The following AFF1 variants were observed in gnomAD, a reference collection of about 807,000 sequenced individuals.
AFF1 encodes the protein ALF transcription elongation factor 1.
Under a neutral mutation model 121.7 loss-of-function variants are expected in AFF1, and 48 were observed. That is an observed-to-expected ratio of 0.39 (90% CI 0.31 to 0.50). The LOEUF (loss-of-function observed/expected upper bound fraction) is 0.50, where lower values mean the gene tolerates loss of function less well. Ranked by LOEUF, AFF1 falls within the 20% of genes least tolerant of loss-of-function variation. The pLI is 0.76. For synonymous variants in AFF1, 613 were observed against 563.0 expected (o/e 1.09, Z -1.26); for missense variants, 1,523 against 1,511.7 (o/e 1.01, Z -0.12).
At chr4:86,987,409 C>T (rs891041168) in intron 2 of AFF1, among the ~76,000 whole-genome samples, 7 of 152,136 alleles carry the variant, frequency 4.6e-5, no homozygotes, top group Non-Finnish European at 1.0e-4. Flanking sequence ...TTTGTCCCCT[C>T]CTGAGCAGGA....
At chr4:86,945,319 CTTTTTTTTTTTT>C (rs72025655) in intron 1 of AFF1, among the ~76,000 whole-genome samples, 46,260 of 112,444 alleles carry the variant, frequency 0.41, 9,246 homozygotes, top group South Asian at 0.59. Context: ...TTTTCTTTTC[CTTTTTTTTTTTT>C]TTTTTTTTTT....
chr4:87,045,754 C>T (rs538913625), intron 2 of AFF1, among the ~76,000 whole-genome samples: 8 of 152,240 alleles, frequency 5.3e-5, no homozygotes, highest in East Asian at 3.9e-4. Flanking sequence ...TCCAGGAAAA[C>T]GGCCTTTCTA....
In AFF1 at chr4:87,132,344, A is replaced by T. The variant is rs774616714; in HGVS notation, c.3247A>T (p.Thr1083Ser). ...KKDIAIKYSRTLNKHFESSSK... is the reference protein window; with the variant it reads ...KKDIAIKYSRSLNKHFESSSK... ...AGACATAGCAATAAAGTATTCTCGT[A>T]CTCTTAATAAACACTTCGAGAGTTC... The change falls in exon 19 of 21, where the codon ACT becomes TCT. Residue 1083 changes from threonine (T) to serine (S), a missense_variant. Transcript: ENST00000395146. 6.2e-7 allele frequency: 1 copy of T among 1,613,242 alleles called. No individual in the cohort carries two copies. Among genetic ancestry groups the T allele is most frequent in the South Asian group, 1.1e-5 (1 of 90,944 alleles).
chr4:86,991,313 C>T (rs572037186), intron 2 of AFF1, among the ~76,000 whole-genome samples: 1 of 151,996 alleles, frequency 6.6e-6, no homozygotes, highest in South Asian at 2.1e-4. Flanking sequence ...GGCTTGGTGG[C>T]AGGCACCTGT....
chr4:86,982,380 A>G (rs7684203), intron 2 of AFF1, among the ~76,000 whole-genome samples: 5,464 of 148,128 alleles, frequency 0.037, 402 homozygotes, highest in African/African-American at 0.13. Context: ...TCAAAGAAAA[A>G]AAATTGGCTT....
At chr4:86,972,309 G>A (rs1465792913) in intron 2 of AFF1, among the ~76,000 whole-genome samples, 1 of 151,904 alleles carries the variant, frequency 6.6e-6, no homozygotes. Context: ...AAAGAAAGAG[G>A]AAGGCAGTGG....
chr4:87,130,948 T>C, intron 16 of AFF1, 135 bp from the exon 17 acceptor site: 2 of 1,193,918 alleles, frequency 1.7e-6, no homozygotes, highest in Non-Finnish European at 1.2e-6. Flanking sequence ...TCATTTTTAG[T>C]TCATTCATCC....
chr4:86,940,539 CA>C (rs1560489076), intron 1 of AFF1, among the ~76,000 whole-genome samples: 1 of 152,110 alleles, frequency 6.6e-6, no homozygotes, highest in East Asian at 1.9e-4. Flanking sequence ...GCTGGGATCA[CA>C]GGCATGTGCC....
chr4:87,060,323 T>C (rs1181526907), intron 4 of AFF1, among the ~76,000 whole-genome samples: 3 of 152,226 alleles, frequency 2.0e-5, no homozygotes, highest in African/African-American at 7.2e-5. Context: ...TGCTTTCTTT[T>C]GTATTAAATA....
rs574104458 is a variant in AFF1 at position 87,125,490 on chromosome 4, C to T, written c.2573+347C>T. On this transcript the variant is annotated intron_variant, in intron 13 of 20. Coordinates refer to ENST00000395146, the MANE Select transcript of AFF1 (RefSeq NM_001166693.3). ...ACAGAGAAAATGACTTGTCCAAAGT[C>T]AGAGAATTCTTACTGTGTGTTGGAG... Among the ~76,000 whole-genome samples the T allele has an allele frequency of 2.0e-5, 3 of 152,148 alleles. No homozygotes were observed. The South Asian group carries it at 6.2e-4, about 32-fold the overall frequency.
chr4:87,053,250 T>C (rs369452560), intron 4 of AFF1, among the ~76,000 whole-genome samples: 1 of 152,230 alleles, frequency 6.6e-6, no homozygotes, highest in African/African-American at 2.4e-5. Flanking sequence ...CTCTTTTCCT[T>C]GTGGCCTCTT....
intron 10 of AFF1, among the ~76,000 whole-genome samples, chr4:87,107,307 C>T (rs946363567): frequency 1.4e-4 from 21 of 152,162 alleles, no homozygotes; most frequent in African/African-American, 4.8e-4. Context: ...TTAATTAATA[C>T]CATCTAGGGT....
At chr4:86,951,608 C>CTTTTTTT (rs1344583304) in intron 2 of AFF1, among the ~76,000 whole-genome samples, 2 of 111,058 alleles carry the variant, frequency 1.8e-5, no homozygotes, top group African/African-American at 6.6e-5. Flanking sequence ...TTTTCTTTTT[C>CTTTTTTT]TTTTTTCTTT....
chr4:86,994,490 AAC>A (rs1724964830), intron 2 of AFF1, among the ~76,000 whole-genome samples: 1 of 152,232 alleles, frequency 6.6e-6, no homozygotes, highest in African/African-American at 2.4e-5. Context: ...CTCACCTGCA[AAC>A]ACATGTGTAA....
intron 1 of AFF1, 24 bp downstream of exon 1, chr4:86,935,264 A>G (rs1421822064): frequency 6.6e-6 from 1 of 152,306 alleles, no homozygotes. Context: ...TGCGCCACCC[A>G]GGGCTGGGGG....
chr4:87,077,316 A>T (rs1722764975), intron 4 of AFF1, among the ~76,000 whole-genome samples: 1 of 152,048 alleles, frequency 6.6e-6, no homozygotes. Context: ...ACAAAAATTC[A>T]GTGTGGCGTG....
chr4:87,072,981 A>G (rs999182439), intron 4 of AFF1, among the ~76,000 whole-genome samples: 7 of 152,090 alleles, frequency 4.6e-5, no homozygotes, highest in African/African-American at 1.7e-4. Context: ...TAGTTTGTGT[A>G]TAGTTTTAGA....
chr4:86,958,557 G>A (rs976178488), intron 2 of AFF1, among the ~76,000 whole-genome samples: 3 of 151,734 alleles, frequency 2.0e-5, no homozygotes, highest in African/African-American at 7.3e-5. Flanking sequence ...CGTCTCTACT[G>A]AAAATAAAAA....
chr4:87,034,240 G>C (rs984233082), intron 2 of AFF1, among the ~76,000 whole-genome samples: 14 of 152,200 alleles, frequency 9.2e-5, no homozygotes, highest in Admixed American at 1.3e-4. Flanking sequence ...TGAAAAGGCA[G>C]CCAGTCTGGC....
Sources: allele counts gnomAD v4.1 joint callset (sites outside exome capture counted in the v4.1 genomes callset), GRCh38; gene constraint gnomAD v4.1.1; transcripts MANE v1.5; gene names NCBI Gene and HGNC (gene_info 2026-07-23, HGNC 2026-07-21).